The following CCDC66 variants were observed in gnomAD, a reference collection of about 807,000 sequenced individuals.
The protein encoded by CCDC66 is coiled-coil domain-containing protein 66.
In CCDC66, 133 loss-of-function variants were observed where a neutral mutation model predicts 128.3. The observed-to-expected ratio is 1.04, with a 90% CI of 0.90 to 1.20. CCDC66 has a LOEUF of 1.20. CCDC66 is among the 50% of genes most tolerant of loss of function. The pLI is 0.00. For missense variants in CCDC66, 1,126 were observed against 1,075.5 expected (o/e 1.05, Z -0.66); for synonymous variants, 387 against 357.0 (o/e 1.08, Z -0.95).
intron 7 of CCDC66, among the ~76,000 whole-genome samples, chr3:56,577,718 C>G (rs1245870096): frequency 6.6e-6 from 1 of 151,794 alleles, no homozygotes; most frequent in East Asian, 2.0e-4. Flanking sequence ...TGTCAAAGAT[C>G]AGATGGTTGT....
At chr3:56,599,609 A>G (rs2072781980) in intron 10 of CCDC66, among the ~76,000 whole-genome samples, 1 of 151,854 alleles carries the variant, frequency 6.6e-6, no homozygotes, top group Non-Finnish European at 1.5e-5. Flanking sequence ...CATTTTTTTC[A>G]AGAATTTTTT....
Position 56,564,100 on chromosome 3 carries a change from G to T in CCDC66, c.519G>T (p.Leu173=). 6.3e-7 allele frequency: 1 copy of T among 1,597,840 alleles called. No homozygotes were observed. Among genetic ancestry groups the T allele is most frequent in the South Asian group, 1.1e-5 (1 of 88,196 alleles). The change falls in exon 4 of 18, where the codon CTG becomes CTT. Residue 173 remains leucine, a synonymous_variant. Transcript: ENST00000394672. ...ACCAAGGAAATAGATCTCTTTCCCTGACTGAGAATGGAAAGGAGGCAAAAA... is the reference window on the plus strand; with the variant it reads ...ACCAAGGAAATAGATCTCTTTCCCTTACTGAGAATGGAAAGGAGGCAAAAA... ...TVNQGNRSLS[L]TENGKEAKSQ... is the part of the protein sequence containing the mutation.
Position 56,601,903 on chromosome 3 carries a change from T to C in CCDC66, c.1404+7875T>C, listed in dbSNP as rs1261443595. 4.6e-5 allele frequency among the ~76,000 whole-genome samples: 7 copies of C among 152,140 alleles called. 1 individual carries two copies. Among genetic ancestry groups the C allele is most frequent in the African/African-American group, 7.3e-5 (3 of 41,364 alleles). ...ATGGGGTTTTCTAAATATACAATCA[T>C]GTCATCTGCAAACAGAGACAACTTA... On this transcript the variant is annotated intron_variant, in intron 10 of 17. Coordinates refer to ENST00000394672, the MANE Select transcript of CCDC66 (RefSeq NM_001141947.3).
intron 6 of CCDC66, among the ~76,000 whole-genome samples, chr3:56,568,779 T>C (rs2066233755): frequency 6.6e-6 from 1 of 152,238 alleles, no homozygotes. Context: ...AATAAGCTTA[T>C]TGCTTTCTTT....
At position 56,601,343 on chromosome 3, in the gene CCDC66, G is replaced by A. The variant is rs531263346; in HGVS notation, c.1404+7315G>A. ...TTCTATTCATCTATATATCTGTTTT[G>A]GTACCAGTACCATGCTGCTTTGGTT... On this transcript the variant is annotated intron_variant, in intron 10 of 17. Coordinates refer to ENST00000394672, the MANE Select transcript of CCDC66 (RefSeq NM_001141947.3). Among the ~76,000 whole-genome samples, 8 of 152,012 alleles carry A rather than the reference G, an allele frequency of 5.3e-5. 1 individual carries two copies. In the South Asian group the frequency reaches 1.7e-3, roughly 31 times the overall value.
Position 56,593,942 on chromosome 3 carries a change from A to G in CCDC66, c.1320-2A>G. 1 of 1,614,132 alleles carries G rather than the reference A, an allele frequency of 6.2e-7. No homozygotes were observed. The highest frequency in any genetic ancestry group is 2.2e-5 in the East Asian group (1 of 44,876). ...GAATAGCTAATGTATGTATCTTGCC[A>G]GCTTTCTCCGTTCTATGACTGCTCT... On this transcript the variant is annotated splice_acceptor_variant, in intron 9 of 17. Coordinates refer to ENST00000394672, the MANE Select transcript of CCDC66 (RefSeq NM_001141947.3). LOFTEE classifies it high-confidence loss of function.
chr3:56,591,036 A>C (rs1318253143), intron 7 of CCDC66, among the ~76,000 whole-genome samples: 1 of 152,208 alleles, frequency 6.6e-6, no homozygotes, highest in Non-Finnish European at 1.5e-5. Context: ...AGTTCTACCT[A>C]CTACCTCTCC....
chr3:56,563,985 C>T lies in CCDC66; in HGVS notation c.404C>T (p.Pro135Leu), dbSNP rs1372725655. 1.2e-6 allele frequency: 2 copies of T among 1,613,804 alleles called. No individual in the cohort carries two copies. The highest frequency in any genetic ancestry group is 1.7e-6 in the Non-Finnish European group (2 of 1,179,960). The change falls in exon 4 of 18, where the codon CCT (proline) becomes CTT (leucine). Residue 135 changes from proline (P) to leucine (L), a missense_variant. Coordinates refer to ENST00000394672, the MANE Select transcript of CCDC66 (RefSeq NM_001141947.3). The stretch of plus-strand genomic sequence containing the variant: ...ACATCTCTAGTAGGTAAACAGAAGC[C>T]TCACAAAAAACACATCACAGCTGAA... ...VNTSLVGKQKPHKKHITAENM... is the reference protein window; with the variant it reads ...VNTSLVGKQKLHKKHITAENM...
At chr3:56,565,441 CTT>C (rs71621823) in intron 4 of CCDC66, among the ~76,000 whole-genome samples, 6,140 of 136,642 alleles carry the variant, frequency 0.045, 128 homozygotes, top group East Asian at 0.094. Context: ...ACCCGGCTAA[CTT>C]TTTTTTTTTT....
At position 56,613,640 on chromosome 3, in the gene CCDC66, G is replaced by A. The variant is rs1252135537; in HGVS notation, c.1456G>A (p.Glu486Lys). 6.2e-7 allele frequency: 1 copy of A among 1,613,964 alleles called. No homozygotes were observed. Among genetic ancestry groups the A allele is most frequent in the Non-Finnish European group, 8.5e-7 (1 of 1,179,882 alleles). Residue 486 changes from glutamate (E) to lysine (K), a missense_variant, in exon 11 of 18, where the codon GAA (glutamate) becomes AAA (lysine). Glu to Lys is a moderately conservative substitution (Grantham distance 56). Coordinates refer to ENST00000394672, the MANE Select transcript of CCDC66 (RefSeq NM_001141947.3). Reference protein sequence around the residue: ...EEKRRKKQLEEEQRKKEEQEE... With the variant: ...EEKRRKKQLEKEQRKKEEQEE... ...GAAGCGCAGGAAGAAACAACTGGAG[G>A]AAGAGCAAAGAAAGAAGGAAGAACA... is the stretch of plus-strand genomic sequence containing the variant.
Position 56,564,142 on chromosome 3 carries a change from G to C in CCDC66, c.544+17G>C. 1.3e-6 allele frequency: 2 copies of C among 1,567,314 alleles called. No homozygotes were observed. Among genetic ancestry groups the C allele is most frequent in the Non-Finnish European group, 1.7e-6 (2 of 1,156,618 alleles). The stretch of plus-strand genomic sequence containing the variant: ...AGGCAAAAAGTAAGATTTTTCTAAA[G>C]TTTTCATGAATTTTGATTTTTTCAA... On this transcript the variant is annotated intron_variant, in intron 4 of 17. Coordinates refer to ENST00000394672, the MANE Select transcript of CCDC66 (RefSeq NM_001141947.3).
intron 7 of CCDC66, among the ~76,000 whole-genome samples, chr3:56,578,949 C>A (rs1486646383): frequency 6.6e-6 from 1 of 151,842 alleles, no homozygotes; most frequent in Non-Finnish European, 1.5e-5. Flanking sequence ...AGGATTCCCT[C>A]TTTTTCTATT....
intron 7 of CCDC66, among the ~76,000 whole-genome samples, chr3:56,581,898 G>A (rs1278311327): frequency 6.6e-6 from 1 of 151,904 alleles, no homozygotes; most frequent in Non-Finnish European, 1.5e-5. Context: ...TCCGTTCTCA[G>A]ATCTCAAACT....
chr3:56,613,352 C>T (rs943489684), intron 10 of CCDC66, among the ~76,000 whole-genome samples: 3 of 152,186 alleles, frequency 2.0e-5, no homozygotes, highest in Admixed American at 6.5e-5. Flanking sequence ...TCTGTAGACT[C>T]CTAGCTAATC....
At chr3:56,567,173 G>C in intron 6 of CCDC66, 120 bp downstream of exon 6, 1 of 650,852 alleles carries the variant, frequency 1.5e-6, no homozygotes, top group South Asian at 1.8e-5. Flanking sequence ...GGGTGGATCA[G>C]GAGGGCAAGA....
At chr3:56,618,360 G>T in intron 15 of CCDC66, 148 bp downstream of exon 15, 1 of 669,150 alleles carries the variant, frequency 1.5e-6, no homozygotes, top group Non-Finnish European at 2.5e-6. Flanking sequence ...GAGGTTTAAG[G>T]GATAGTGTGG....
At chr3:56,614,097 G>A (rs2075199300) in intron 11 of CCDC66, among the ~76,000 whole-genome samples, 1 of 152,112 alleles carries the variant, frequency 6.6e-6, no homozygotes. Context: ...TGTTTTTAAA[G>A]GAAAAATAAC....
In CCDC66 at chr3:56,563,976, A is replaced by T; in HGVS notation, c.395A>T (p.Lys132Ile). ...RNTVNTSLVG[K>I]QKPHKKHITA... ...ACCGTAAATACATCTCTAGTAGGTA[A>T]ACAGAAGCCTCACAAAAAACACATC... The change falls in exon 4 of 18, where the codon AAA (lysine) becomes ATA (isoleucine). Residue 132 changes from lysine (K) to isoleucine (I), a missense_variant. By Grantham distance (102) the Lys-to-Ile change is moderately radical (BLOSUM62 -3). Transcript: ENST00000394672. 6.2e-7 allele frequency: 1 copy of T among 1,614,008 alleles called. No individual in the cohort carries two copies. Among genetic ancestry groups the T allele is most frequent in the Non-Finnish European group, 8.5e-7 (1 of 1,179,964 alleles).
At chr3:56,605,891 GCTC>G (rs1433582546) in intron 10 of CCDC66, among the ~76,000 whole-genome samples, 1 of 152,082 alleles carries the variant, frequency 6.6e-6, no homozygotes, top group Non-Finnish European at 1.5e-5. Context: ...TCCCCCTGGT[GCTC>G]TGCCTCAGAG....
Sources: allele counts gnomAD v4.1 joint callset (sites outside exome capture counted in the v4.1 genomes callset), GRCh38; gene constraint gnomAD v4.1.1; transcripts MANE v1.5; gene names NCBI Gene and HGNC (gene_info 2026-07-23, HGNC 2026-07-21).